MDFI: variants seen among roughly 807,000 people sequenced by gnomAD.
MDFI encodes the protein MyoD family inhibitor, also known as inhibitor of MyoD family a.
MDFI carries 16 observed loss-of-function variants against 22.3 expected under a neutral mutation model. The observed-to-expected ratio is 0.72, with a 90% CI of 0.49 to 1.09. The LOEUF (loss-of-function observed/expected upper bound fraction) is 1.09, where lower values mean the gene tolerates loss of function less well. Among genes scored for constraint, MDFI ranks in the 50% least tolerant of loss-of-function variants. MDFI has a pLI of 0.00. For synonymous variants in MDFI, 145 were observed against 142.7 expected (o/e 1.02, Z -0.12); for missense variants, 314 against 326.1 (o/e 0.96, Z 0.29).
rs535569123 is a variant in MDFI, at chr6:41,648,677, C to T, written c.260-942C>T. Among the ~76,000 whole-genome samples, 9 of 152,310 alleles carry T rather than the reference C, an allele frequency of 5.9e-5. No homozygotes were observed. The East Asian group carries it at 1.2e-3, about 20-fold the overall frequency. On this transcript the variant is annotated intron_variant, in intron 3 of 4. Coordinates refer to ENST00000230321, the MANE Select transcript of MDFI (RefSeq NM_005586.4). ...CTGCCCAGGAGTCAGGACCCCTGCA[C>T]AGCTGAGGGGCCCCAGAGCTCTCAG... is the stretch of plus-strand genomic sequence containing the variant.
rs577335897 is a variant in MDFI, at chr6:41,653,761, C to T, written c.*186C>T. On this transcript the variant is annotated 3_prime_UTR_variant, in exon 5 of 5. Coordinates refer to ENST00000230321, the MANE Select transcript of MDFI (RefSeq NM_005586.4). The surrounding 1 kb of genome is among the most constrained non-coding windows in gnomAD (Gnocchi z 4.2). ...TAGTGGGGGGCACTCAGAGGGGCCA[C>T]CTCCTCAGCCGTGGGTGGTGGGCCC... is the stretch of plus-strand genomic sequence containing the variant. 4.4e-4 allele frequency: 315 copies of T among 708,602 alleles called. No homozygotes were observed. Among genetic ancestry groups the T allele is most frequent in the Middle Eastern group, 3.6e-3 (9 of 2,484 alleles). The allele number at this position is 708,602 out of a possible 1,614,324, so 43.9% of individuals were successfully genotyped here. A position where few individuals can be genotyped will look rare whatever the true frequency, so the allele number is the denominator to read the frequency against.
At chr6:41,649,429 C>T (rs1354606132) in intron 3 of MDFI, among the ~76,000 whole-genome samples, 190 bp from the exon 4 acceptor site, 1 of 152,220 alleles carries the variant, frequency 6.6e-6, no homozygotes, top group Non-Finnish European at 1.5e-5. Context: ...AGGCCCAACT[C>T]AATTTCATGG....
At chr6:41,640,515 G>A (rs1467576876) in intron 2 of MDFI, among the ~76,000 whole-genome samples, 3 of 152,164 alleles carry the variant, frequency 2.0e-5, no homozygotes, top group East Asian at 1.9e-4. Flanking sequence ...TCAAGGCTTC[G>A]CTCTGCCACC....
At chr6:41,640,381 C>T (rs1767807575) in intron 2 of MDFI, among the ~76,000 whole-genome samples, 2 of 152,202 alleles carry the variant, frequency 1.3e-5, no homozygotes, top group Non-Finnish European at 2.9e-5. Flanking sequence ...GCTAACTGCA[C>T]ACAACCGGGG....
At chr6:41,648,394 C>G (rs9462729) in intron 3 of MDFI, among the ~76,000 whole-genome samples, 1 of 152,202 alleles carries the variant, frequency 6.6e-6, no homozygotes, top group East Asian at 1.9e-4. Flanking sequence ...GCAGCAAGTA[C>G]TTAGAAGGGC....
Position 41,649,723 on chromosome 6 carries a change from G to A in MDFI, c.364G>A (p.Gly122Ser). 6.2e-7 allele frequency: 1 copy of A among 1,614,062 alleles called. No homozygotes were observed. Among genetic ancestry groups the A allele is most frequent in the Admixed American group, 1.7e-5 (1 of 60,016 alleles). The change falls in exon 4 of 5, where the codon GGT becomes AGT. Residue 122 changes from glycine to serine, a missense_variant. Gly to Ser is a moderately conservative substitution (Grantham distance 56). Coordinates refer to ENST00000230321, the MANE Select transcript of MDFI (RefSeq NM_005586.4). ...GTRRAGNGAL[G>S]GPKAHRKLQT... ...CAGACGGGCGGGGAATGGTGCCCTG[G>A]GTGGCCCCAAGGCCCACCGGAAGTT...
chr6:41,642,081 G>A (rs541879719), intron 2 of MDFI, among the ~76,000 whole-genome samples: 1 of 152,270 alleles, frequency 6.6e-6, no homozygotes, highest in Non-Finnish European at 1.5e-5. Flanking sequence ...TTGCCTTTCC[G>A]TATCTCCCCT....
chr6:41,649,638 C>G lies in MDFI; in HGVS notation c.279C>G (p.Pro93=), dbSNP rs770943240. The part of the protein sequence containing the change: ...EAVTCQPQGN[P]LGCTPLLPND... ...CTCCAGGCCAGCCTCAGGGGAACCC[C>G]TTGGGCTGCACCCCACTTCTGCCGA... is the stretch of plus-strand genomic sequence containing the variant. The change falls in exon 4 of 5, where the codon CCC becomes CCG. Residue 93 remains proline (P), a synonymous_variant. Coordinates refer to ENST00000230321, the MANE Select transcript of MDFI (RefSeq NM_005586.4). 6.2e-7 allele frequency: 1 copy of G among 1,609,282 alleles called. No homozygotes were observed. Among genetic ancestry groups the G allele is most frequent in the African/African-American group, 1.3e-5 (1 of 74,862 alleles).
At chr6:41,645,220 T>C (rs1768002215) in intron 2 of MDFI, among the ~76,000 whole-genome samples, 1 of 151,980 alleles carries the variant, frequency 6.6e-6, no homozygotes, top group African/African-American at 2.4e-5. Flanking sequence ...CCCTGACCCC[T>C]GGCTGAGTGT....
At chr6:41,647,639 C>T (rs1768100231) in intron 3 of MDFI, among the ~76,000 whole-genome samples, 1 of 145,652 alleles carries the variant, frequency 6.9e-6, no homozygotes, top group African/African-American at 2.5e-5. Flanking sequence ...TTCTCCCAAT[C>T]TTCATGCCCT....
intron 2 of MDFI, among the ~76,000 whole-genome samples, chr6:41,643,896 C>G (rs766606611): frequency 1.6e-4 from 24 of 152,188 alleles, no homozygotes; most frequent in Non-Finnish European, 3.2e-4. Flanking sequence ...GGATCTTCTG[C>G]TTCTCACTCA....
Position 41,646,113 on chromosome 6 carries a change from G to A in MDFI, c.77-13G>A. ...CCAGGAAAATGGACCTCAGTCATCTGCTTTTTTCCTAGCCCAGACCCTATC... is the reference window on the plus strand; with the variant it reads ...CCAGGAAAATGGACCTCAGTCATCTACTTTTTTCCTAGCCCAGACCCTATC... On this transcript the variant is annotated splice_polypyrimidine_tract_variant and intron_variant, in intron 2 of 4. Transcript: ENST00000230321. 1 of 1,454,144 alleles carries A rather than the reference G, an allele frequency of 6.9e-7. No individual in the cohort carries two copies. Among genetic ancestry groups the A allele is most frequent in the Non-Finnish European group, 9.1e-7 (1 of 1,099,222 alleles). The allele number at this position is 1,454,144 out of a possible 1,614,324, so 90.1% of individuals were successfully genotyped here. A position where few individuals can be genotyped will look rare whatever the true frequency, so the allele number is the denominator to read the frequency against.
intron 4 of MDFI, among the ~76,000 whole-genome samples, chr6:41,652,913 C>T (rs1009389585): frequency 7.2e-5 from 11 of 152,090 alleles, no homozygotes; most frequent in African/African-American, 2.4e-4. Context: ...CCACTGGGCC[C>T]GGCCGACTTC....
Position 41,638,794 on chromosome 6 carries a change from C to T in MDFI, c.45C>T (p.Pro15=), listed in dbSNP as rs1022293646. 1.9e-6 allele frequency: 3 copies of T among 1,568,368 alleles called. No individual in the cohort carries two copies. In the African/African-American group the frequency reaches 4.0e-5, roughly 21 times the overall value. ...SGQRPSGCDA[P]YGAPSAAPGP... The stretch of plus-strand genomic sequence containing the variant: ...AGCGCCCCTCTGGCTGCGACGCGCC[C>T]TATGGAGCCCCCAGCGCAGCCCCGG... Residue 15 remains proline, a synonymous_variant, in exon 2 of 5, where the codon CCC becomes CCT. Transcript: ENST00000230321. This position sits in a 1 kb window ranked among gnomAD's most constrained non-coding sequence, Gnocchi z 7.6.
At position 41,653,315 on chromosome 6, in the gene MDFI, G is replaced by A. The variant is rs377541807; in HGVS notation, c.485-4G>A. ...CCGTCCCCCTCTCCACCGCCACCCC[G>A]CAGACTGCTGTGTCCACTGCATCCT... On this transcript the variant is annotated splice_polypyrimidine_tract_variant and splice_region_variant and intron_variant, in intron 4 of 4. Transcript: ENST00000230321. This position sits in a 1 kb window ranked among gnomAD's most constrained non-coding sequence, Gnocchi z 4.2. The A allele has an allele frequency of 4.2e-5, 67 of 1,582,754 alleles. No homozygotes were observed. Among genetic ancestry groups the A allele is most frequent in the South Asian group, 3.1e-4 (28 of 90,110 alleles).
intron 2 of MDFI, chr6:41,639,399 C>G: frequency 4.1e-6 from 4 of 985,442 alleles, no homozygotes; most frequent in Non-Finnish European, 4.8e-6. Flanking sequence ...ACACACGCAC[C>G]CCAACCCAGT....
intron 4 of MDFI, among the ~76,000 whole-genome samples, chr6:41,650,688 C>G (rs1768236319): frequency 6.7e-6 from 1 of 149,108 alleles, no homozygotes; most frequent in Non-Finnish European, 1.5e-5. Flanking sequence ...ATTCTTCTGT[C>G]TCAGCCTCCT....
chr6:41,649,708 G>C lies in MDFI; in HGVS notation c.349G>C (p.Gly117Arg). Residue 117 changes from glycine (G) to arginine (R), a missense_variant, in exon 4 of 5, where the codon GGG (glycine) becomes CGG (arginine). Transcript: ENST00000230321. ...PSELGGTRRA[G>R]NGALGGPKAH... Reference sequence around the variant, plus strand: ...AGAGCTGGGCGGCACCAGACGGGCGGGGAATGGTGCCCTGGGTGGCCCCAA... The same window carrying C: ...AGAGCTGGGCGGCACCAGACGGGCGCGGAATGGTGCCCTGGGTGGCCCCAA... 1 of 1,614,062 alleles carries C rather than the reference G, an allele frequency of 6.2e-7. No homozygotes were observed. Among genetic ancestry groups the C allele is most frequent in the East Asian group, 2.2e-5 (1 of 44,884 alleles).
chr6:41,644,707 C>G (rs773680088), intron 2 of MDFI, among the ~76,000 whole-genome samples: 1 of 152,038 alleles, frequency 6.6e-6, no homozygotes, highest in African/African-American at 2.4e-5. Context: ...TCTCATCTCC[C>G]TCTCTTTGCC....
Sources: gnomAD v4.1 joint callset for allele counts (sites outside exome capture counted in the v4.1 genomes callset) on GRCh38, gnomAD v4.1.1 for gene constraint, Gnocchi (gnomAD v3.1) non-coding constraint, MANE v1.5 for transcripts, NCBI Gene and HGNC (gene_info 2026-07-23, HGNC 2026-07-21) for gene names.